The following CTSS variants were observed in gnomAD, a reference collection of about 807,000 sequenced individuals.
The protein encoded by CTSS is cathepsin S.
Under a neutral mutation model 39.9 loss-of-function variants are expected in CTSS, and 15 were observed. The ratio of observed to expected loss-of-function variants is 0.38; its 90% confidence interval spans 0.25 to 0.58. The LOEUF (loss-of-function observed/expected upper bound fraction) is 0.58. CTSS is among the 20% of genes least tolerant of loss of function. The pLI, the probability that CTSS is intolerant of heterozygous loss-of-function variation, is 0.70. For missense variants in CTSS, 250 were observed against 398.2 expected, an observed-to-expected ratio of 0.63 and a Z score of 3.17; for synonymous variants, 126 against 138.2, an observed-to-expected ratio of 0.91 and a Z score of 0.62.
intron 7 of CTSS, among the ~76,000 whole-genome samples, chr1:150,746,178 G>A (rs587664573): frequency 2.0e-4 from 31 of 152,218 alleles, no homozygotes; most frequent in African/African-American, 3.9e-4. Context: ...TGAGAAGGAA[G>A]TAACACCTTG....
chr1:150,742,118 A>G (rs1302402144), intron 7 of CTSS, among the ~76,000 whole-genome samples: 7 of 152,090 alleles, frequency 4.6e-5, no homozygotes, highest in African/African-American at 1.7e-4. Flanking sequence ...TTGGCTGGGC[A>G]TGGTGGCACA....
chr1:150,737,134 C>T (rs1039632598), intron 7 of CTSS, among the ~76,000 whole-genome samples: 14 of 151,696 alleles, frequency 9.2e-5, no homozygotes, highest in Non-Finnish European at 1.3e-4. Flanking sequence ...CGGAGTTTCA[C>T]TCTTGTTGCC....
intron 7 of CTSS, among the ~76,000 whole-genome samples, chr1:150,742,383 A>G (rs1180918728): frequency 6.6e-6 from 1 of 152,218 alleles, no homozygotes; most frequent in Non-Finnish European, 1.5e-5. Flanking sequence ...GATACAGCAT[A>G]TATAAAGAAA....
chr1:150,759,749 A>G (rs1406001444), intron 2 of CTSS, among the ~76,000 whole-genome samples: 1 of 152,124 alleles, frequency 6.6e-6, no homozygotes, highest in Admixed American at 6.5e-5. Flanking sequence ...GGCAAGGTGG[A>G]TGGTGCCTCC....
In CTSS at chr1:150,758,849, A is replaced by AT. The variant is rs35292598; in HGVS notation, c.127-870dup. ...ATTGGTGTAAGCCACCGCGCCCAGCATTTTTTTTTTTTTTTTTTAGACAGG... is the reference window on the plus strand; with the variant it reads ...ATTGGTGTAAGCCACCGCGCCCAGCATTTTTTTTTTTTTTTTTTTAGACAGG... On this transcript the variant is annotated intron_variant, in intron 2 of 7. Transcript: ENST00000368985. Among the ~76,000 whole-genome samples, 999 of 127,416 alleles carry AT rather than the reference A, an allele frequency of 7.8e-3. 6 individuals carry two copies. Among genetic ancestry groups the AT allele is most frequent in the South Asian group, 0.05 (202 of 4,046 alleles). The allele number at this position is 127,416 out of a possible 152,430, so 83.6% of individuals were successfully genotyped here.
chr1:150,762,372 G>T (rs1025455972), intron 2 of CTSS, among the ~76,000 whole-genome samples: 2 of 152,056 alleles, frequency 1.3e-5, no homozygotes, highest in African/African-American at 4.8e-5. Context: ...TCCGGGCAAC[G>T]GTTTTTTGAA....
chr1:150,740,254 C>T (rs2101911577), intron 7 of CTSS, among the ~76,000 whole-genome samples: 1 of 152,040 alleles, frequency 6.6e-6, no homozygotes, highest in East Asian at 1.9e-4. Context: ...AAAGCATTGC[C>T]AAAGCTTAGG....
At chr1:150,740,376 C>A (rs757685363) in intron 7 of CTSS, among the ~76,000 whole-genome samples, 49 of 151,426 alleles carry the variant, frequency 3.2e-4, no homozygotes, top group Non-Finnish European at 5.3e-4. Context: ...AAAATTAATA[C>A]CTTTCTTTTT....
At chr1:150,763,180 G>A (rs961811151) in intron 2 of CTSS, among the ~76,000 whole-genome samples, 1 of 151,512 alleles carries the variant, frequency 6.6e-6, no homozygotes, top group Non-Finnish European at 1.5e-5. Context: ...AGTGAAATAA[G>A]CCAGGCACAG....
At chr1:150,735,980 G>T (rs965080927) in intron 7 of CTSS, among the ~76,000 whole-genome samples, 21 of 151,744 alleles carry the variant, frequency 1.4e-4, no homozygotes, top group Admixed American at 3.9e-4. Context: ...GGATGGTCTC[G>T]ATCTCCTGAC....
intron 7 of CTSS, among the ~76,000 whole-genome samples, chr1:150,742,835 C>T (rs1297883461): frequency 6.6e-6 from 1 of 151,994 alleles, no homozygotes; most frequent in African/African-American, 2.4e-5. Flanking sequence ...ATAGTTTTCC[C>T]TTGAGCTTGT....
intron 2 of CTSS, among the ~76,000 whole-genome samples, chr1:150,760,911 C>T (rs587645294): frequency 3.4e-4 from 51 of 150,290 alleles, no homozygotes; most frequent in East Asian, 7.8e-4. Flanking sequence ...TTGGGCAAGG[C>T]GGCTTATGCT....
At chr1:150,738,429 C>A (rs974550893) in intron 7 of CTSS, among the ~76,000 whole-genome samples, 1 of 151,888 alleles carries the variant, frequency 6.6e-6, no homozygotes, top group African/African-American at 2.4e-5. Flanking sequence ...TTTGGCATTT[C>A]TCATAATATT....
rs767321578 is a variant in CTSS at position 150,749,972 on chromosome 1, T to G, written c.793+34A>C. 11 of 1,549,738 alleles carry G rather than the reference T, an allele frequency of 7.1e-6. No homozygotes were observed. In the East Asian group the frequency reaches 2.6e-4, roughly 37 times the overall value. ...CAGCCAATATCCTTTCTTTCTTTCT[T>G]TAAATTCTAATTATTGTTTATTTTA... is the stretch of plus-strand genomic sequence containing the variant. On this transcript the variant is annotated intron_variant, in intron 6 of 7. Coordinates refer to ENST00000368985, the MANE Select transcript of CTSS (RefSeq NM_004079.5).
At chr1:150,737,124 C>T (rs936922721) in intron 7 of CTSS, among the ~76,000 whole-genome samples, 8 of 150,590 alleles carry the variant, frequency 5.3e-5, no homozygotes, top group African/African-American at 1.7e-4. Flanking sequence ...TTTTTTGAGA[C>T]GGAGTTTCAC....
intron 5 of CTSS, among the ~76,000 whole-genome samples, chr1:150,750,813 T>C (rs587622451): frequency 7.9e-5 from 12 of 151,550 alleles, no homozygotes; most frequent in Admixed American, 6.6e-4. Flanking sequence ...GCTAATTTTT[T>C]TGATTTTTAG....
intron 6 of CTSS, 114 bp from the exon 7 acceptor site, chr1:150,747,993 T>A: frequency 1.4e-6 from 1 of 724,246 alleles, no homozygotes; most frequent in Non-Finnish European, 2.3e-6. Context: ...AAGGTTAATT[T>A]AAAAAGTTAA....
intron 6 of CTSS, among the ~76,000 whole-genome samples, chr1:150,749,714 A>G (rs1652969686): frequency 1.3e-5 from 2 of 151,380 alleles, no homozygotes; most frequent in African/African-American, 4.9e-5. Flanking sequence ...CAGTGGTATG[A>G]TCATAGCTCA....
At chr1:150,754,883 C>CA in intron 4 of CTSS, 118 bp downstream of exon 4, 1 of 1,098,966 alleles carries the variant, frequency 9.1e-7, no homozygotes, top group Non-Finnish European at 1.3e-6. Flanking sequence ...ACAAGAATAA[C>CA]AAAAATAACT....
Sources: allele counts gnomAD v4.1 joint callset (sites outside exome capture counted in the v4.1 genomes callset), GRCh38; gene constraint gnomAD v4.1.1; transcripts MANE v1.5; gene names NCBI Gene and HGNC (gene_info 2026-07-23, HGNC 2026-07-21).